CPQ: variants seen among roughly 807,000 people sequenced by gnomAD.
CPQ encodes Ser-Met dipeptidase.
CPQ carries 37 observed loss-of-function variants against 45.7 expected under a neutral mutation model. The ratio of observed to expected loss-of-function variants is 0.81; its 90% confidence interval spans 0.62 to 1.07. The LOEUF (loss-of-function observed/expected upper bound fraction) is 1.07, where lower values mean the gene tolerates loss of function less well. Among genes scored for constraint, CPQ ranks in the 50% least tolerant of loss-of-function variants. CPQ has a pLI of 0.00. For missense variants in CPQ, 537 were observed against 572.9 expected, an observed-to-expected ratio of 0.94 and a Z score of 0.64; for synonymous variants, 186 against 205.8, an observed-to-expected ratio of 0.90 and a Z score of 0.82.
chr8:96,889,001 G>A (rs1334582864), intron 4 of CPQ, among the ~76,000 whole-genome samples: 1 of 152,176 alleles, frequency 6.6e-6, no homozygotes, highest in Non-Finnish European at 1.5e-5. Context: ...TTTGTTGGTA[G>A]ACTATTTTGC....
At chr8:97,122,955 AT>A (rs1811744671) in intron 7 of CPQ, among the ~76,000 whole-genome samples, 1 of 88,378 alleles carries the variant, frequency 1.1e-5, no homozygotes, top group African/African-American at 6.1e-5. Context: ...ATAAAATAAA[AT>A]AAAATAAAAT....
At chr8:96,912,268 TATAAC>T (rs2130905202) in intron 4 of CPQ, among the ~76,000 whole-genome samples, 1 of 152,352 alleles carries the variant, frequency 6.6e-6, no homozygotes, top group East Asian at 1.9e-4. Flanking sequence ...AGTCAAGTCT[TATAAC>T]ATTAGTAGGT....
chr8:96,788,506 G>A (rs1215580298), intron 2 of CPQ, among the ~76,000 whole-genome samples: 1 of 151,958 alleles, frequency 6.6e-6, no homozygotes, highest in Non-Finnish European at 1.5e-5. Context: ...AGTTTTGGAG[G>A]TTTCCTTGTA....
At chr8:96,829,796 A>G (rs1811428142) in intron 2 of CPQ, among the ~76,000 whole-genome samples, 1 of 151,962 alleles carries the variant, frequency 6.6e-6, no homozygotes, top group Admixed American at 6.6e-5. Flanking sequence ...GTTCTTTTTA[A>G]AGTTATTGTT....
chr8:96,869,520 C>T (rs1812038547), intron 3 of CPQ, among the ~76,000 whole-genome samples: 1 of 152,070 alleles, frequency 6.6e-6, no homozygotes, highest in Admixed American at 6.6e-5. Flanking sequence ...ATGACATCTA[C>T]ATTAGTGCCT....
intron 4 of CPQ, among the ~76,000 whole-genome samples, chr8:96,889,773 G>A (rs1812349211): frequency 1.3e-5 from 2 of 152,208 alleles, no homozygotes; most frequent in Non-Finnish European, 2.9e-5. Context: ...AGGGCAGGAA[G>A]CATCCAGTAC....
At chr8:96,803,010 C>T (rs1811026911) in intron 2 of CPQ, among the ~76,000 whole-genome samples, 1 of 151,972 alleles carries the variant, frequency 6.6e-6, no homozygotes, top group African/African-American at 2.4e-5. Context: ...CACACACACA[C>T]ACACACACAC....
chr8:97,142,792 A>C (rs1481109369), intron 7 of CPQ, among the ~76,000 whole-genome samples: 28 of 152,206 alleles, frequency 1.8e-4, no homozygotes, highest in Non-Finnish European at 4.4e-5. Context: ...ACTCTTTGTC[A>C]ACGAAGTTAA....
intron 4 of CPQ, among the ~76,000 whole-genome samples, chr8:96,903,389 T>C (rs1459800275): frequency 6.6e-6 from 1 of 152,100 alleles, no homozygotes; most frequent in African/African-American, 2.4e-5. Flanking sequence ...ACAAGTTAGA[T>C]GTTGATATTA....
chr8:96,996,700 A>G (rs891283962), intron 5 of CPQ, among the ~76,000 whole-genome samples: 1 of 151,990 alleles, frequency 6.6e-6, no homozygotes, highest in Non-Finnish European at 1.5e-5. Flanking sequence ...TCCTGTTTTC[A>G]ACCAGTTGCT....
In CPQ at chr8:97,127,923, C is replaced by T. The variant is rs543762231; in HGVS notation, c.1256-15097C>T. On this transcript the variant is annotated intron_variant, in intron 7 of 7. Coordinates refer to ENST00000220763, the MANE Select transcript of CPQ (RefSeq NM_016134.4). Reference sequence around the variant, plus strand: ...GTGACAGGAATCAAACCAATGGTTGCCCGAGACGGGGGTGGGAAGGAATGG... The same window carrying T: ...GTGACAGGAATCAAACCAATGGTTGTCCGAGACGGGGGTGGGAAGGAATGG... 5.1e-4 allele frequency among the ~76,000 whole-genome samples: 77 copies of T among 152,192 alleles called. No homozygotes were observed. In the South Asian group the frequency reaches 0.016, roughly 32 times the overall value.
At chr8:96,681,830 A>G (rs752381576) in intron 1 of CPQ, among the ~76,000 whole-genome samples, 4 of 152,200 alleles carry the variant, frequency 2.6e-5, no homozygotes, top group Non-Finnish European at 5.9e-5. Context: ...TTACATCAGC[A>G]TGACCTGGAT....
intron 1 of CPQ, among the ~76,000 whole-genome samples, chr8:96,685,758 GTTAA>G (rs1809218920): frequency 6.6e-6 from 1 of 152,026 alleles, no homozygotes; most frequent in Non-Finnish European, 1.5e-5. Flanking sequence ...TTCAAATAGT[GTTAA>G]TTGTGTGTGT....
chr8:96,858,548 G>A (rs1044922416), intron 3 of CPQ, among the ~76,000 whole-genome samples: 1 of 152,108 alleles, frequency 6.6e-6, no homozygotes, highest in Non-Finnish European at 1.5e-5. Context: ...CCACTGCTGG[G>A]GTAGTTAATG....
chr8:96,978,623 A>G (rs1813830128), intron 5 of CPQ, among the ~76,000 whole-genome samples: 1 of 152,182 alleles, frequency 6.6e-6, no homozygotes, highest in African/African-American at 2.4e-5. Flanking sequence ...CAGCATGCTT[A>G]GCTTCCTCCC....
At chr8:96,684,620 A>C (rs1372196792) in intron 1 of CPQ, among the ~76,000 whole-genome samples, 1 of 152,092 alleles carries the variant, frequency 6.6e-6, no homozygotes, top group Non-Finnish European at 1.5e-5. Context: ...TGGATAGGGT[A>C]GCCCTGTCTT....
At chr8:97,040,598 A>C (rs2130487849) in intron 6 of CPQ, among the ~76,000 whole-genome samples, 1 of 152,296 alleles carries the variant, frequency 6.6e-6, no homozygotes, top group Admixed American at 6.5e-5. Context: ...GTTTTCTTCT[A>C]GGGTTGTTAT....
rs377037585 is a variant in CPQ, at chr8:96,804,236, C to T, written c.433+18906C>T. On this transcript the variant is annotated intron_variant, in intron 2 of 7. Coordinates refer to ENST00000220763, the MANE Select transcript of CPQ (RefSeq NM_016134.4). ...AAGTGGATGGTGCTAGAACTGGAAACGTATGCAGGTGGACTATAGAAAACC... is the reference window on the plus strand; with the variant it reads ...AAGTGGATGGTGCTAGAACTGGAAATGTATGCAGGTGGACTATAGAAAACC... Among the ~76,000 whole-genome samples the T allele has an allele frequency of 3.0e-4, 45 of 152,212 alleles. No individual in the cohort carries two copies. The South Asian group carries it at 8.1e-3, about 27-fold the overall frequency.
chr8:96,755,948 C>A (rs1455528305), intron 1 of CPQ, among the ~76,000 whole-genome samples: 1 of 151,906 alleles, frequency 6.6e-6, no homozygotes, highest in South Asian at 2.1e-4. Flanking sequence ...AGCAGGATAT[C>A]AAATTAGAAG....
Sources: gnomAD v4.1 joint callset for allele counts (sites outside exome capture counted in the v4.1 genomes callset) on GRCh38, gnomAD v4.1.1 for gene constraint, MANE v1.5 for transcripts, NCBI Gene and HGNC (gene_info 2026-07-23, HGNC 2026-07-21) for gene names.